The following SGCZ variants were observed in gnomAD, a reference collection of about 807,000 sequenced individuals.
SGCZ encodes sarcoglycan zeta.
A neutral mutation model predicts 41.3 loss-of-function variants in SGCZ; 40 were observed. The ratio of observed to expected loss-of-function variants is 0.97; its 90% confidence interval spans 0.75 to 1.26. The LOEUF (loss-of-function observed/expected upper bound fraction) is 1.26, where lower values mean the gene tolerates loss of function less well. SGCZ is among the 50% of genes most tolerant of loss of function. The pLI is 0.00. For synonymous variants in SGCZ, 206 were observed against 137.5 expected (o/e 1.50, Z -3.49); for missense variants, 552 against 369.8 (o/e 1.49, Z -4.04).
intron 1 of SGCZ, among the ~76,000 whole-genome samples, chr8:15,065,351 G>A (rs770816544): frequency 1.6e-4 from 25 of 151,748 alleles, no homozygotes; most frequent in Non-Finnish European, 2.6e-4. Context: ...GACCCAGGAG[G>A]CCTAGTTAGG....
intron 1 of SGCZ, among the ~76,000 whole-genome samples, chr8:14,689,405 A>G (rs1424544764): frequency 6.6e-6 from 1 of 152,154 alleles, no homozygotes; most frequent in Non-Finnish European, 1.5e-5. Flanking sequence ...ATGTCAATAA[A>G]CAAAATACCC....
At chr8:14,621,877 A>G (rs1207051633) in intron 1 of SGCZ, among the ~76,000 whole-genome samples, 1 of 152,058 alleles carries the variant, frequency 6.6e-6, no homozygotes, top group African/African-American at 2.4e-5. Context: ...GACTAAGTGG[A>G]GTCTCTCCTC....
intron 2 of SGCZ, among the ~76,000 whole-genome samples, chr8:14,440,528 A>G (rs1412532319): frequency 6.6e-6 from 1 of 152,056 alleles, no homozygotes; most frequent in Admixed American, 6.6e-5. Context: ...TTATTTTAAG[A>G]GAAAAATAAA....
intron 4 of SGCZ, among the ~76,000 whole-genome samples, chr8:14,196,739 G>C (rs35956897): frequency 0.24 from 36,289 of 151,958 alleles, 5,561 homozygotes; most frequent in Non-Finnish European, 0.34. Context: ...CTGCAACATT[G>C]ATGCACCTTA....
chr8:14,093,103 T>G (rs1222165832), intron 7 of SGCZ, among the ~76,000 whole-genome samples: 1 of 152,100 alleles, frequency 6.6e-6, no homozygotes, highest in Non-Finnish European at 1.5e-5. Flanking sequence ...TCCAGCTGTT[T>G]CTTGTTTCCA....
chr8:14,096,980 A>T (rs1801865934), intron 7 of SGCZ, among the ~76,000 whole-genome samples: 2 of 149,626 alleles, frequency 1.3e-5, no homozygotes, highest in African/African-American at 2.5e-5. Flanking sequence ...CATCTATTTG[A>T]TTCTTCTCTC....
At chr8:14,821,421 C>T (rs537556765) in intron 1 of SGCZ, among the ~76,000 whole-genome samples, 4 of 152,116 alleles carry the variant, frequency 2.6e-5, no homozygotes, top group African/African-American at 9.6e-5. Context: ...TATCCTTAAA[C>T]TCTTCCAGAA....
At chr8:14,954,250 T>C (rs1800728619) in intron 1 of SGCZ, among the ~76,000 whole-genome samples, 1 of 152,144 alleles carries the variant, frequency 6.6e-6, no homozygotes, top group Non-Finnish European at 1.5e-5. Context: ...ACAATACTAC[T>C]AGGTATACAT....
chr8:14,223,418 A>T (rs1314416560), intron 4 of SGCZ, among the ~76,000 whole-genome samples: 2 of 152,214 alleles, frequency 1.3e-5, no homozygotes, highest in African/African-American at 4.8e-5. Context: ...TATACTATAG[A>T]GTTCAGATTA....
intron 2 of SGCZ, among the ~76,000 whole-genome samples, chr8:14,380,945 GAT>G (rs1167157305): frequency 5.9e-5 from 9 of 152,058 alleles, no homozygotes; most frequent in Non-Finnish European, 1.2e-4. Context: ...AATATCCTGA[GAT>G]AACCATTTTA....
chr8:14,087,750 G>A lies in SGCZ; in HGVS notation c.*2693C>T, dbSNP rs1391464240. Among the ~76,000 whole-genome samples, 3 of 151,516 alleles carry A rather than the reference G, an allele frequency of 2.0e-5. No homozygotes were observed. Among genetic ancestry groups the A allele is most frequent in the Non-Finnish European group, 4.4e-5 (3 of 67,726 alleles). ...AAATGCTTTTTTGTGTTTGAATGTGGAAAACGAGGACATTTGGGGCCATTC... is the reference window on the plus strand; with the variant it reads ...AAATGCTTTTTTGTGTTTGAATGTGAAAAACGAGGACATTTGGGGCCATTC... On this transcript the variant is annotated 3_prime_UTR_variant, in exon 8 of 8. Coordinates refer to ENST00000382080, the MANE Select transcript of SGCZ (RefSeq NM_139167.4).
intron 2 of SGCZ, among the ~76,000 whole-genome samples, chr8:14,356,806 C>G (rs1011614148): frequency 6.6e-6 from 1 of 151,926 alleles, no homozygotes; most frequent in Admixed American, 6.6e-5. Context: ...CCAATAACCA[C>G]TTGGTTTTTA....
intron 5 of SGCZ, among the ~76,000 whole-genome samples, chr8:14,162,093 C>G (rs1174578380): frequency 6.6e-6 from 1 of 152,162 alleles, no homozygotes; most frequent in Non-Finnish European, 1.5e-5. Flanking sequence ...AGCAACATTT[C>G]AAGGATGGCA....
intron 1 of SGCZ, among the ~76,000 whole-genome samples, chr8:14,701,298 T>C (rs1007013113): frequency 2.0e-5 from 3 of 151,894 alleles, no homozygotes; most frequent in African/African-American, 7.2e-5. Context: ...TTTGGAAAAA[T>C]TTATAAAACT....
At chr8:14,751,287 C>CA (rs1341612032) in intron 1 of SGCZ, among the ~76,000 whole-genome samples, 1 of 152,142 alleles carries the variant, frequency 6.6e-6, no homozygotes, top group African/African-American at 2.4e-5. Flanking sequence ...AAGTTGGAAT[C>CA]AGTTACTTCC....
chr8:14,751,891 C>A (rs1273992388), intron 1 of SGCZ, among the ~76,000 whole-genome samples: 2 of 150,930 alleles, frequency 1.3e-5, no homozygotes, highest in South Asian at 4.2e-4. Flanking sequence ...AAAATCGCGC[C>A]ACTGCACTCC....
chr8:14,825,580 A>T (rs1243037997), intron 1 of SGCZ, among the ~76,000 whole-genome samples: 1 of 152,210 alleles, frequency 6.6e-6, no homozygotes, highest in African/African-American at 2.4e-5. Flanking sequence ...ACATGTATAC[A>T]TTGTGTAATG....
intron 2 of SGCZ, among the ~76,000 whole-genome samples, chr8:14,429,708 G>A (rs539881072): frequency 6.6e-6 from 1 of 152,132 alleles, no homozygotes; most frequent in East Asian, 1.9e-4. Flanking sequence ...AGAAGAAGAG[G>A]ACAAAACACA....
intron 2 of SGCZ, among the ~76,000 whole-genome samples, chr8:14,392,738 GT>G (rs1244879218): frequency 6.6e-6 from 1 of 152,074 alleles, no homozygotes; most frequent in Non-Finnish European, 1.5e-5. Flanking sequence ...AAAACTATAT[GT>G]GATTTAATAA....
Sources: allele counts gnomAD v4.1 joint callset (sites outside exome capture counted in the v4.1 genomes callset), GRCh38; gene constraint gnomAD v4.1.1; transcripts MANE v1.5; gene names NCBI Gene and HGNC (gene_info 2026-07-23, HGNC 2026-07-21).